The following MPPED1 variants were observed in gnomAD, a reference collection of about 807,000 sequenced individuals.
MPPED1 encodes the protein metallophosphoesterase domain-containing protein 1.
In MPPED1, 16 loss-of-function variants were observed where a neutral mutation model predicts 36.2. The observed-to-expected ratio is 0.44, with a 90% CI of 0.30 to 0.67. The LOEUF is 0.67. Ranked by LOEUF, MPPED1 falls within the 30% of genes least tolerant of loss-of-function variation. MPPED1 has a pLI of 0.10. For synonymous variants in MPPED1, 199 were observed against 191.3 expected (o/e 1.04, Z -0.33); for missense variants, 307 against 453.4 (o/e 0.68, Z 2.93).
In MPPED1 at chr22:43,506,249, C is replaced by T. The variant is rs949382033; in HGVS notation, c.*633C>T. 7 of 152,764 alleles carry T rather than the reference C, an allele frequency of 4.6e-5. No homozygotes were observed. Among genetic ancestry groups the T allele is most frequent in the African/African-American group, 1.4e-4 (6 of 41,466 alleles). 9.5% of individuals were successfully genotyped at this position (152,764 alleles called of 1,614,324 possible). On this transcript the variant is annotated 3_prime_UTR_variant, in exon 7 of 7. Coordinates refer to ENST00000443721, the MANE Select transcript of MPPED1 (RefSeq NM_001044370.2). ...CATTTTTGTTTACTTGAACAATGAC[C>T]TGAGTGTCCTAGGCATTCACTCGGA...
chr22:43,484,902 C>T (rs1046595888), intron 4 of MPPED1, among the ~76,000 whole-genome samples: 2 of 152,204 alleles, frequency 1.3e-5, no homozygotes, highest in Admixed American at 6.5e-5. Flanking sequence ...GTCTCCTTCC[C>T]GTACTGGCTT....
In MPPED1 at chr22:43,505,762, C is replaced by A; in HGVS notation, c.*146C>A. Reference sequence around the variant, plus strand: ...GGCAGGTCAGGGCCTTGGAACGACTCTTTAGCCTTCTGTCACCTGGAGTTG... The same window carrying A: ...GGCAGGTCAGGGCCTTGGAACGACTATTTAGCCTTCTGTCACCTGGAGTTG... On this transcript the variant is annotated 3_prime_UTR_variant, in exon 7 of 7. Transcript: ENST00000443721. The A allele has an allele frequency of 1.6e-6, 1 of 640,778 alleles. No homozygotes were observed. The highest frequency in any genetic ancestry group is 2.0e-5 in the South Asian group (1 of 50,404). 39.7% of individuals were successfully genotyped at this position (640,778 alleles called of 1,614,324 possible).
chr22:43,422,208 C>G (rs1929298536), intron 1 of MPPED1, among the ~76,000 whole-genome samples: 1 of 152,236 alleles, frequency 6.6e-6, no homozygotes, highest in Non-Finnish European at 1.5e-5. Flanking sequence ...GGTCTGGGGG[C>G]CCAGCCCTGC....
chr22:43,430,284 A>C (rs1170692529), intron 2 of MPPED1, among the ~76,000 whole-genome samples: 2 of 152,206 alleles, frequency 1.3e-5, no homozygotes, highest in Non-Finnish European at 1.5e-5. Flanking sequence ...CTTGCACAGA[A>C]CCAGTGGCTT....
chr22:43,430,745 G>A (rs1297146171), intron 2 of MPPED1, among the ~76,000 whole-genome samples: 1 of 148,756 alleles, frequency 6.7e-6, no homozygotes, highest in Non-Finnish European at 1.5e-5. Flanking sequence ...TTTTTTTTTG[G>A]GGGGGAGTCA....
At chr22:43,434,583 C>A (rs566768736) in intron 2 of MPPED1, among the ~76,000 whole-genome samples, 1 of 152,194 alleles carries the variant, frequency 6.6e-6, no homozygotes, top group Non-Finnish European at 1.5e-5. Context: ...CCTAAACACA[C>A]GTACGGCACC....
chr22:43,432,261 GAGAA>G (rs1302004910), intron 2 of MPPED1, among the ~76,000 whole-genome samples: 1 of 151,372 alleles, frequency 6.6e-6, no homozygotes, highest in Non-Finnish European at 1.5e-5. Flanking sequence ...GGGAAAGAGA[GAGAA>G]AGGGAGGAGA....
intron 3 of MPPED1, among the ~76,000 whole-genome samples, chr22:43,456,179 T>C (rs1303352223): frequency 6.6e-6 from 1 of 152,366 alleles, no homozygotes; most frequent in African/African-American, 2.4e-5. Context: ...AAGCATAATG[T>C]TGAATAGAAA....
chr22:43,460,639 T>C (rs759734471), intron 3 of MPPED1, among the ~76,000 whole-genome samples: 7 of 152,168 alleles, frequency 4.6e-5, no homozygotes, highest in Non-Finnish European at 8.8e-5. Flanking sequence ...TACTAAAGTC[T>C]CTGCTTGGTT....
chr22:43,502,536 C>A lies in MPPED1; in HGVS notation c.749-108C>A. 2.4e-6 allele frequency: 2 copies of A among 818,676 alleles called. No individual in the cohort carries two copies. Among genetic ancestry groups the A allele is most frequent in the South Asian group, 1.5e-5 (1 of 66,468 alleles). The allele number at this position is 818,676 out of a possible 1,614,324, so 50.7% of individuals were successfully genotyped here. A position where few individuals can be genotyped will look rare whatever the true frequency, so the allele number is the denominator to read the frequency against. ...GGGGAGAGTGGTGCAAAGCCGGAGT[C>A]CGGAAGCCCCATGCCTTCTCCAGGC... is the stretch of plus-strand genomic sequence containing the variant. On this transcript the variant is annotated intron_variant, in intron 5 of 6. Coordinates refer to ENST00000443721, the MANE Select transcript of MPPED1 (RefSeq NM_001044370.2). This position sits in a 1 kb window ranked among gnomAD's most constrained non-coding sequence, Gnocchi z 5.5.
intron 2 of MPPED1, among the ~76,000 whole-genome samples, chr22:43,426,099 G>C (rs1350605995): frequency 1.3e-5 from 2 of 152,184 alleles, no homozygotes; most frequent in African/African-American, 4.8e-5. Context: ...GCACGACAGA[G>C]CTTACCTGGT....
At chr22:43,431,021 ATTTTTTTTTTTTTTTTTTTTTT>A (rs135076) in intron 2 of MPPED1, among the ~76,000 whole-genome samples, 1 of 42,278 alleles carries the variant, frequency 2.4e-5, no homozygotes. Context: ...GTTGTTGTTA[ATTTTTTTTTTTTTTTTTTTTTT>A]TTTTTTTTTT....
At chr22:43,492,367 G>A (rs1218468051) in intron 4 of MPPED1, among the ~76,000 whole-genome samples, 1 of 152,100 alleles carries the variant, frequency 6.6e-6, no homozygotes, top group African/African-American at 2.4e-5. Flanking sequence ...ACGTATTTCT[G>A]CAGAGAGAAT....
At chr22:43,470,643 C>T (rs1264761674) in intron 3 of MPPED1, among the ~76,000 whole-genome samples, 1 of 152,224 alleles carries the variant, frequency 6.6e-6, no homozygotes, top group South Asian at 2.1e-4. Context: ...CAGAGTACAC[C>T]TCAGGATACC....
At chr22:43,459,244 C>G (rs570636732) in intron 3 of MPPED1, among the ~76,000 whole-genome samples, 2 of 152,114 alleles carry the variant, frequency 1.3e-5, no homozygotes, top group South Asian at 2.1e-4. Flanking sequence ...ACGATGCCAG[C>G]TAATTTTTGT....
chr22:43,466,618 G>C (rs1931180538), intron 3 of MPPED1, among the ~76,000 whole-genome samples: 1 of 152,046 alleles, frequency 6.6e-6, no homozygotes. Context: ...GGGTTAACCA[G>C]TTCCTAGATA....
chr22:43,505,742 G>T lies in MPPED1; in HGVS notation c.*126G>T, dbSNP rs1247195735. ...CTGCGGGGACTGGCCTAGCAGGCAG[G>T]TCAGGGCCTTGGAACGACTCTTTAG... On this transcript the variant is annotated 3_prime_UTR_variant, in exon 7 of 7. Coordinates refer to ENST00000443721, the MANE Select transcript of MPPED1 (RefSeq NM_001044370.2). 3 of 776,464 alleles carry T rather than the reference G, an allele frequency of 3.9e-6. No homozygotes were observed. Among genetic ancestry groups the T allele is most frequent in the Middle Eastern group, 2.4e-4 (1 of 4,174 alleles). The allele number at this position is 776,464 out of a possible 1,614,324, so 48.1% of individuals were successfully genotyped here. A position where few individuals can be genotyped will look rare whatever the true frequency, so the allele number is the denominator to read the frequency against.
intron 3 of MPPED1, among the ~76,000 whole-genome samples, chr22:43,470,634 A>G (rs1269285013): frequency 6.6e-6 from 1 of 152,228 alleles, no homozygotes; most frequent in African/African-American, 2.4e-5. Context: ...ATGATGGTGC[A>G]GAGTACACCT....
intron 4 of MPPED1, among the ~76,000 whole-genome samples, chr22:43,484,933 G>C (rs1036644688): frequency 6.6e-6 from 1 of 152,162 alleles, no homozygotes; most frequent in African/African-American, 2.4e-5. Context: ...TGAGCCCAAC[G>C]TGCAGCATCA....
Sources: allele counts gnomAD v4.1 joint callset (sites outside exome capture counted in the v4.1 genomes callset), GRCh38; gene constraint gnomAD v4.1.1; non-coding constraint Gnocchi (gnomAD v3.1); transcripts MANE v1.5; gene names NCBI Gene and HGNC (gene_info 2026-07-23, HGNC 2026-07-21).